Variants in TLR2 observed in about 807,000 individuals in gnomAD.
The protein encoded by TLR2 is toll-like receptor 2.
TLR2 carries 7 observed loss-of-function variants against 9.1 expected under a neutral mutation model. That is an observed-to-expected ratio of 0.77 (90% CI 0.44 to 1.44). The LOEUF is 1.44. TLR2 is among the 40% of genes most tolerant of loss of function. The pLI, the probability that TLR2 is intolerant of heterozygous loss-of-function variation, is 0.01. For synonymous variants in TLR2, 317 were observed against 344.6 expected, an observed-to-expected ratio of 0.92 and a Z score of 0.89; for missense variants, 812 against 904.6, an observed-to-expected ratio of 0.90 and a Z score of 1.31.
chr4:153,706,999 G>T (rs772957339), downstream of TLR2, among the ~76,000 whole-genome samples: 2 of 152,110 alleles, frequency 1.3e-5, no homozygotes, highest in African/African-American at 2.4e-5. Flanking sequence ...TGTGTGGGGT[G>T]AGGGTGATGT....
Position 153,703,694 on chromosome 4 carries a change from G to C in TLR2, c.787G>C (p.Asp263His), listed in dbSNP as rs768974663. 1 of 1,613,002 alleles carries C rather than the reference G, an allele frequency of 6.2e-7. No individual in the cohort carries two copies. Among genetic ancestry groups the C allele is most frequent in the African/African-American group, 1.3e-5 (1 of 74,946 alleles). The change falls in exon 3 of 3, where the codon GAT (aspartate) becomes CAT (histidine). Residue 263 changes from aspartate (D) to histidine (H), a missense_variant. Coordinates refer to ENST00000642700, the MANE Select transcript of TLR2 (RefSeq NM_001318789.2). Reference protein sequence around the residue: ...KFTFRNVKITDESLFQVMKLL... With the variant: ...KFTFRNVKITHESLFQVMKLL... ...TACATTTAGAAATGTGAAAATCACC[G>C]ATGAAAGTTTGTTTCAGGTTATGAA...
At chr4:153,687,208 C>T (rs2127009488) in intron 1 of TLR2, among the ~76,000 whole-genome samples, 1 of 152,054 alleles carries the variant, frequency 6.6e-6, no homozygotes, top group South Asian at 2.1e-4. Flanking sequence ...ACCTTAAGTG[C>T]ATATATTAGA....
At chr4:153,691,404 C>T (rs1736105811) in intron 2 of TLR2, among the ~76,000 whole-genome samples, 1 of 152,130 alleles carries the variant, frequency 6.6e-6, no homozygotes, top group African/African-American at 2.4e-5. Flanking sequence ...TCCGAATTCT[C>T]CCATTTCTTA....
At chr4:153,692,310 C>T (rs1452524630) in intron 2 of TLR2, among the ~76,000 whole-genome samples, 2 of 152,174 alleles carry the variant, frequency 1.3e-5, no homozygotes, top group African/African-American at 4.8e-5. Context: ...AGTCAGTTAA[C>T]ATTCTGCATT....
rs762029047 is a variant in TLR2 at position 153,703,594 on chromosome 4, G to A, written c.687G>A (p.Leu229=). The change falls in exon 3 of 3, where the codon CTG becomes CTA. Residue 229 remains leucine (L), a synonymous_variant. Transcript: ENST00000642700. Reference sequence around the variant, plus strand: ...CAAGTTCCGTGGAATGTTTGGAACTGCGAGATACTGATTTGGACACTTTCC... The same window carrying A: ...CAAGTTCCGTGGAATGTTTGGAACTACGAGATACTGATTTGGACACTTTCC... ...DVTSSVECLE[L]RDTDLDTFHF... is the part of the protein sequence containing the mutation. The A allele has an allele frequency of 1.8e-5, 29 of 1,614,094 alleles. No individual in the cohort carries two copies. Among genetic ancestry groups the A allele is most frequent in the Non-Finnish European group, 2.5e-5 (29 of 1,180,008 alleles).
rs1313430757 is a variant in TLR2, at chr4:153,706,149, T to A, written c.*887T>A. On this transcript the variant is annotated 3_prime_UTR_variant, in exon 3 of 3. Coordinates refer to ENST00000642700, the MANE Select transcript of TLR2 (RefSeq NM_001318789.2). ...CTGTCTTTCTGGCTATTAGATAGGT[T>A]TCTCCAGCCATAGTTACTTGAGAGA... Among the ~76,000 whole-genome samples, 1 of 152,258 alleles carries A rather than the reference T, an allele frequency of 6.6e-6. No individual in the cohort carries two copies. Among genetic ancestry groups the A allele is most frequent in the Non-Finnish European group, 1.5e-5 (1 of 68,050 alleles).
chr4:153,700,336 G>GT (rs1736798448), intron 2 of TLR2, among the ~76,000 whole-genome samples: 1 of 152,116 alleles, frequency 6.6e-6, no homozygotes, highest in South Asian at 2.1e-4. Context: ...TATTTTAAAT[G>GT]TTTTTAAAGT....
chr4:153,686,776 G>A (rs1387835424), intron 1 of TLR2, among the ~76,000 whole-genome samples: 1 of 152,136 alleles, frequency 6.6e-6, no homozygotes, highest in Non-Finnish European at 1.5e-5. Flanking sequence ...CATAGTGGGA[G>A]ATTTTATCAT....
At chr4:153,699,403 G>A (rs889480753) in intron 2 of TLR2, among the ~76,000 whole-genome samples, 1 of 152,114 alleles carries the variant, frequency 6.6e-6, no homozygotes, top group Non-Finnish European at 1.5e-5. Flanking sequence ...TAGCAGGTAC[G>A]AATCCCTCTA....
rs1737069117 is a variant in TLR2 at position 153,703,408 on chromosome 4, A to G, written c.501A>G (p.Arg167=). The change falls in exon 3 of 3, where the codon AGA becomes AGG. Residue 167 remains arginine, a synonymous_variant. Coordinates refer to ENST00000642700, the MANE Select transcript of TLR2 (RefSeq NM_001318789.2). ...TGGACACCTTCACTAAGATTCAAAG[A>G]AAAGATTTTGCTGGACTTACCTTCC... ...GNMDTFTKIQ[R]KDFAGLTFLE... The G allele has an allele frequency of 1.2e-6, 2 of 1,614,022 alleles. No homozygotes were observed. Among genetic ancestry groups the G allele is most frequent in the Non-Finnish European group, 1.7e-6 (2 of 1,180,030 alleles).
chr4:153,694,227 C>T (rs1578979730), intron 2 of TLR2, among the ~76,000 whole-genome samples: 1 of 152,338 alleles, frequency 6.6e-6, no homozygotes, highest in African/African-American at 2.4e-5. Flanking sequence ...ATCGCTCATG[C>T]TATTGTTTGT....
At chr4:153,691,034 A>T (rs1328831554) in intron 2 of TLR2, among the ~76,000 whole-genome samples, 1 of 152,238 alleles carries the variant, frequency 6.6e-6, no homozygotes, top group Non-Finnish European at 1.5e-5. Flanking sequence ...ATTAATAGGC[A>T]TATCAAAAGC....
chr4:153,687,055 G>A (rs1281630609), intron 1 of TLR2, among the ~76,000 whole-genome samples: 1 of 151,738 alleles, frequency 6.6e-6, no homozygotes, highest in African/African-American at 2.4e-5. Context: ...TCATATATTT[G>A]GAAATTAGTA....
At chr4:153,710,234 G>T, downstream of TLR2, 1 of 634,064 alleles carries the variant, frequency 1.6e-6, no homozygotes, top group East Asian at 2.9e-5. Context: ...CTTTCCACAT[G>T]GACAAATTGC....
chr4:153,710,208 A>T (rs1351730974), downstream of TLR2: 1 of 549,822 alleles, frequency 1.8e-6, no homozygotes, highest in South Asian at 3.0e-5. Flanking sequence ...TCCATTGTTC[A>T]GCTTCTCTTT....
chr4:153,690,259 A>G (rs1042521705), intron 2 of TLR2, among the ~76,000 whole-genome samples: 1 of 152,234 alleles, frequency 6.6e-6, no homozygotes, highest in African/African-American at 2.4e-5. Flanking sequence ...ATTCAGTTGT[A>G]TATGGGGTGT....
chr4:153,692,551 T>C (rs13151265), intron 2 of TLR2, among the ~76,000 whole-genome samples: 1 of 152,194 alleles, frequency 6.6e-6, no homozygotes, highest in South Asian at 2.1e-4. Context: ...TAAACCTTGG[T>C]GGGAACTTTG....
chr4:153,693,983 C>T (rs1340973126), intron 2 of TLR2, among the ~76,000 whole-genome samples: 1 of 152,204 alleles, frequency 6.6e-6, no homozygotes, highest in African/African-American at 2.4e-5. Context: ...AAGACACACA[C>T]ACAGAAACAT....
chr4:153,709,144 C>T (rs1737425947), downstream of TLR2, among the ~76,000 whole-genome samples: 1 of 152,028 alleles, frequency 6.6e-6, no homozygotes, highest in African/African-American at 2.4e-5. Context: ...GACAATGGAC[C>T]CTGACCTATT....
Sources: allele counts gnomAD v4.1 joint callset (sites outside exome capture counted in the v4.1 genomes callset), GRCh38; gene constraint gnomAD v4.1.1; transcripts MANE v1.5; gene names NCBI Gene and HGNC (gene_info 2026-07-23, HGNC 2026-07-21).